The following ZNF804B variants were observed in gnomAD, a reference collection of about 807,000 sequenced individuals.
ZNF804B encodes the protein zinc finger protein 804B, also known as zinc finger 804B.
A neutral mutation model predicts 101.4 loss-of-function variants in ZNF804B; 80 were observed. That is an observed-to-expected ratio of 0.79 (90% CI 0.66 to 0.95). The LOEUF is 0.95. Ranked by LOEUF, ZNF804B falls within the 40% of genes least tolerant of loss-of-function variation. The probability of loss-of-function intolerance (pLI) is 0.00; values close to 1 mark genes in which losing one functional copy is unlikely to be tolerated. For missense variants in ZNF804B, 1,673 were observed against 1,561.9 expected (o/e 1.07, Z -1.20); for synonymous variants, 622 against 558.8 (o/e 1.11, Z -1.59).
intron 1 of ZNF804B, among the ~76,000 whole-genome samples, chr7:88,897,559 G>A (rs555827433): frequency 1.3e-5 from 2 of 152,062 alleles, no homozygotes; most frequent in Non-Finnish European, 2.9e-5. Flanking sequence ...CCTACAATAG[G>A]AAACTAATAC....
At chr7:88,788,679 C>T (rs1790337882) in intron 1 of ZNF804B, among the ~76,000 whole-genome samples, 1 of 152,100 alleles carries the variant, frequency 6.6e-6, no homozygotes, top group Non-Finnish European at 1.5e-5. Context: ...ATGCAAACAA[C>T]ATAGTTGTAT....
At chr7:89,141,892 TATAATA>T (rs67661420) in intron 1 of ZNF804B, among the ~76,000 whole-genome samples, 45 of 148,006 alleles carry the variant, frequency 3.0e-4, no homozygotes, top group South Asian at 8.5e-4. Flanking sequence ...AGAAAAAATA[TATAATA>T]ATAATAATAA....
intron 1 of ZNF804B, among the ~76,000 whole-genome samples, chr7:88,808,399 A>G (rs1216805455): frequency 1.3e-5 from 2 of 151,250 alleles, no homozygotes; most frequent in Non-Finnish European, 1.5e-5. Flanking sequence ...AAAAAAAAAA[A>G]GTAAACCAGG....
In ZNF804B at chr7:88,848,639, TA is replaced by T. The variant is rs1303947909; in HGVS notation, c.108+88561del. 3.9e-4 allele frequency among the ~76,000 whole-genome samples: 58 copies of T among 148,644 alleles called. No homozygotes were observed. The South Asian group carries it at 9.1e-3, about 23-fold the overall frequency. On this transcript the variant is annotated intron_variant, in intron 1 of 3. Transcript: ENST00000333190. Reference sequence around the variant, plus strand: ...GCATTTTCTTTTTTTTTTTTTTTTTTAAAAAACGTGTCTAGTTTTAGAAATT... The same window carrying T: ...GCATTTTCTTTTTTTTTTTTTTTTTTAAAAACGTGTCTAGTTTTAGAAATT...
chr7:88,916,549 A>G (rs1792634504), intron 1 of ZNF804B, among the ~76,000 whole-genome samples: 1 of 152,154 alleles, frequency 6.6e-6, no homozygotes, highest in African/African-American at 2.4e-5. Context: ...GACAATTAAG[A>G]CTTAGACTCT....
intron 1 of ZNF804B, among the ~76,000 whole-genome samples, chr7:88,887,036 A>G (rs1032493994): frequency 6.6e-6 from 1 of 152,138 alleles, no homozygotes; most frequent in Non-Finnish European, 1.5e-5. Context: ...AGGAAATGCA[A>G]ATCAAAACCA....
At chr7:88,794,403 T>C in intron 1 of ZNF804B, 1 of 1,613,814 alleles carries the variant, frequency 6.2e-7, no homozygotes, top group Non-Finnish European at 8.5e-7. Flanking sequence ...AGAGTGACAG[T>C]TTATGAGTTT....
At chr7:89,209,529 C>G (rs919544390) in intron 1 of ZNF804B, among the ~76,000 whole-genome samples, 2 of 152,214 alleles carry the variant, frequency 1.3e-5, no homozygotes, top group Non-Finnish European at 2.9e-5. Context: ...GCAATTGCCA[C>G]TCTCCATTAC....
intron 1 of ZNF804B, among the ~76,000 whole-genome samples, chr7:89,050,334 CAG>C (rs34600547): frequency 0.3 from 44,823 of 151,850 alleles, 6,947 homozygotes; most frequent in East Asian, 0.52. Flanking sequence ...AGCATGGGAT[CAG>C]AGTCTTAAAA....
intron 1 of ZNF804B, among the ~76,000 whole-genome samples, chr7:89,181,597 A>C (rs973839265): frequency 2.0e-5 from 3 of 146,752 alleles, no homozygotes; most frequent in African/African-American, 7.5e-5. Flanking sequence ...CCACAATTCA[A>C]GACTGTCTTT....
intron 1 of ZNF804B, among the ~76,000 whole-genome samples, chr7:88,762,892 C>T (rs1440741794): frequency 6.6e-6 from 1 of 152,048 alleles, no homozygotes; most frequent in African/African-American, 2.4e-5. Context: ...AGTGTCTCTC[C>T]TATTACTTTT....
chr7:89,234,805 C>A (rs1163235681), intron 2 of ZNF804B, among the ~76,000 whole-genome samples: 1 of 152,144 alleles, frequency 6.6e-6, no homozygotes, highest in East Asian at 1.9e-4. Context: ...GGGTGTTCAG[C>A]CTCAGACTGG....
intron 1 of ZNF804B, among the ~76,000 whole-genome samples, chr7:88,838,071 G>T (rs6465164): frequency 6.6e-6 from 1 of 151,188 alleles, no homozygotes; most frequent in African/African-American, 2.4e-5. Flanking sequence ...TTAATTTCAG[G>T]GTATTAAGGG....
intron 1 of ZNF804B, among the ~76,000 whole-genome samples, chr7:89,002,253 G>A (rs1442726828): frequency 6.6e-6 from 1 of 151,794 alleles, no homozygotes; most frequent in Non-Finnish European, 1.5e-5. Context: ...GGGCACTAAT[G>A]TTTGCATTTA....
Position 89,334,967 on chromosome 7 carries a change from C to G in ZNF804B, c.1985C>G (p.Thr662Arg). The change falls in exon 4 of 4, where the codon ACA (threonine) becomes AGA (arginine). Residue 662 changes from threonine (T) to arginine (R), a missense_variant. Physicochemically the swap from Thr to Arg is moderately conservative, Grantham distance 71. Transcript: ENST00000333190. ...TTCAACTGCAAGTCCAGTCCTTGTA[C>G]AGTAGGGGGTCACAGTGACCATGGG... is the stretch of plus-strand genomic sequence containing the variant. The part of the protein sequence containing the change: ...RQFNCKSSPC[T>R]VGGHSDHGKD... The G allele has an allele frequency of 6.2e-7, 1 of 1,613,842 alleles. No individual in the cohort carries two copies.
At chr7:89,200,019 G>T (rs1274107639) in intron 1 of ZNF804B, among the ~76,000 whole-genome samples, 2 of 150,818 alleles carry the variant, frequency 1.3e-5, no homozygotes, top group Non-Finnish European at 3.0e-5. Context: ...GTTCACCTTT[G>T]TGTGGTGCTC....
intron 1 of ZNF804B, among the ~76,000 whole-genome samples, chr7:88,913,117 G>C (rs533075334): frequency 5.3e-5 from 8 of 152,248 alleles, no homozygotes; most frequent in African/African-American, 1.9e-4. Flanking sequence ...GACTGGCAAA[G>C]AGTGATATCT....
intron 1 of ZNF804B, among the ~76,000 whole-genome samples, chr7:88,971,122 C>G (rs1240226776): frequency 6.6e-6 from 1 of 151,496 alleles, no homozygotes; most frequent in Non-Finnish European, 1.5e-5. Flanking sequence ...CAACAGCTAG[C>G]AGATGGTCTT....
At chr7:89,003,279 T>A (rs1788316843) in intron 1 of ZNF804B, among the ~76,000 whole-genome samples, 1 of 151,996 alleles carries the variant, frequency 6.6e-6, no homozygotes, top group Non-Finnish European at 1.5e-5. Context: ...AATATGGGAC[T>A]AAGGCACTGC....
Sources: gnomAD v4.1 joint callset for allele counts (sites outside exome capture counted in the v4.1 genomes callset) on GRCh38, gnomAD v4.1.1 for gene constraint, MANE v1.5 for transcripts, NCBI Gene and HGNC (gene_info 2026-07-23, HGNC 2026-07-21) for gene names.